ACSL5: variants seen among roughly 807,000 people sequenced by gnomAD.
ACSL5 encodes the protein long-chain-fatty-acid--CoA ligase 5.
In ACSL5, 50 loss-of-function variants were observed where a neutral mutation model predicts 84.9. The ratio of observed to expected loss-of-function variants is 0.59; its 90% CI spans 0.47 to 0.75. ACSL5 has a LOEUF of 0.75. Among genes scored for constraint, ACSL5 ranks in the 30% least tolerant of loss-of-function variants. The pLI, the probability that ACSL5 is intolerant of heterozygous loss-of-function variation, is 0.00. For synonymous variants in ACSL5, 280 were observed against 300.7 expected, an observed-to-expected ratio of 0.93 and a Z score of 0.71; for missense variants, 775 against 830.4, an observed-to-expected ratio of 0.93 and a Z score of 0.82.
At position 112,398,968 on chromosome 10, in the gene ACSL5, A is replaced by AGACTAT. The variant is rs774847323; in HGVS notation, c.226_231dup (p.Thr76_Met77dup). On this transcript the variant is annotated inframe_insertion, in exon 3 of 21. Transcript: ENST00000354655. Reference sequence around the variant, plus strand: ...ACAAGTTGCTGCTTCTCAGATGCCAAGACTATGTATGAGGTTTTCCAAAGA... The same window carrying AGACTAT: ...ACAAGTTGCTGCTTCTCAGATGCCAAGACTATGACTATGTATGAGGTTTTCCAAAGA... 3.7e-5 allele frequency: 60 copies of AGACTAT among 1,613,982 alleles called. No homozygotes were observed. Among genetic ancestry groups the AGACTAT allele is most frequent in the Non-Finnish European group, 4.9e-5 (58 of 1,179,996 alleles).
At chr10:112,375,766 C>T (rs529231336) in intron 1 of ACSL5, among the ~76,000 whole-genome samples, 8 of 152,172 alleles carry the variant, frequency 5.3e-5, no homozygotes, top group Non-Finnish European at 8.8e-5. Flanking sequence ...GCCAATTGAA[C>T]GACTCACAGC....
intron 5 of ACSL5, chr10:112,406,734 G>T (rs546045767): frequency 6.6e-6 from 1 of 152,248 alleles, no homozygotes. Context: ...TGCTGGGGAG[G>T]CCTCAAGAAA....
chr10:112,425,225 G>C, intron 17 of ACSL5, 113 bp from the exon 18 acceptor site: 1 of 971,234 alleles, frequency 1.0e-6, no homozygotes, highest in African/African-American at 1.7e-5. Context: ...CAGCTCAAAA[G>C]TCTCTGGAGA....
intron 1 of ACSL5, among the ~76,000 whole-genome samples, chr10:112,388,681 A>G (rs2133579260): frequency 6.6e-6 from 1 of 152,382 alleles, no homozygotes; most frequent in South Asian, 2.1e-4. Flanking sequence ...CTCAGTTGGC[A>G]CAATGAGTGA....
At position 112,426,855 on chromosome 10, in the gene ACSL5, A is replaced by G. The variant is rs1253303801; in HGVS notation, c.1907A>G (p.Glu636Gly). Residue 636 changes from glutamate (E) to glycine (G), a missense_variant, in exon 20 of 21, where the codon GAA (glutamate) becomes GGA (glycine). Transcript: ENST00000354655. ...AAAGAAAGTGGCCTTAAAACTTTTG[A>G]ACAGGTGTGTGCTACCACTGATGTT... Reference protein sequence around the residue: ...IGKESGLKTFEQVKAIFLHPE... With the variant: ...IGKESGLKTFGQVKAIFLHPE... 1 of 1,611,760 alleles carries G rather than the reference A, an allele frequency of 6.2e-7. No homozygotes were observed.
At chr10:112,374,877 C>T (rs1849208397) in intron 1 of ACSL5, among the ~76,000 whole-genome samples, 1 of 152,098 alleles carries the variant, frequency 6.6e-6, no homozygotes, top group African/African-American at 2.4e-5. Context: ...TGGTCAGTTT[C>T]CACAGCCTGC....
At chr10:112,417,419 C>T (rs991198511) in intron 13 of ACSL5, among the ~76,000 whole-genome samples, 1 of 151,592 alleles carries the variant, frequency 6.6e-6, no homozygotes, top group Non-Finnish European at 1.5e-5. Flanking sequence ...AGGATAATCG[C>T]TTGAACCCAG....
chr10:112,421,524 T>C, intron 14 of ACSL5, 69 bp from the exon 15 acceptor site: 1 of 1,414,028 alleles, frequency 7.1e-7, no homozygotes, highest in South Asian at 1.2e-5. Flanking sequence ...CCTCGTGTCT[T>C]GACCATAGCA....
At chr10:112,383,382 A>C (rs2133567518) in intron 1 of ACSL5, among the ~76,000 whole-genome samples, 1 of 152,360 alleles carries the variant, frequency 6.6e-6, no homozygotes, top group South Asian at 2.1e-4. Flanking sequence ...CAATGGCTTG[A>C]GCAACTGGTG....
chr10:112,393,076 C>G (rs1843677329), intron 1 of ACSL5, among the ~76,000 whole-genome samples: 1 of 152,138 alleles, frequency 6.6e-6, no homozygotes. Flanking sequence ...TGAGGCAGTC[C>G]TCCCTTCTCT....
At chr10:112,420,711 CTTTTTTTTCTT>C (rs893139031) in intron 14 of ACSL5, among the ~76,000 whole-genome samples, 6 of 151,666 alleles carry the variant, frequency 4.0e-5, no homozygotes, top group African/African-American at 1.5e-4. Context: ...ATTTTCTTTT[CTTTTTTTTCTT>C]TTTTTTTTCT....
Position 112,426,248 on chromosome 10 carries a change from C to T in ACSL5, c.1738-10C>T, listed in dbSNP as rs771788750. ...CTCATGCCCTTGCACCTTTTATTTC[C>T]TTTCCATAGTCATCCTTAGTAGGAG... On this transcript the variant is annotated splice_polypyrimidine_tract_variant and intron_variant, in intron 18 of 20. Coordinates refer to ENST00000354655, the MANE Select transcript of ACSL5 (RefSeq NM_203379.2). 3 of 1,611,368 alleles carry T rather than the reference C, an allele frequency of 1.9e-6. No individual in the cohort carries two copies. The highest frequency in any genetic ancestry group is 2.5e-6 in the Non-Finnish European group (3 of 1,177,580).
chr10:112,397,874 CTAGAACACATAGTATGCATTCAG>C (rs1320952292), intron 2 of ACSL5, among the ~76,000 whole-genome samples: 6 of 152,188 alleles, frequency 3.9e-5, no homozygotes, highest in Middle Eastern at 6.8e-3. Flanking sequence ...TACAGAGTAC[CTAGAACACATAGTATGCATTCAG>C]TAGAAGTTTA....
intron 9 of ACSL5, 137 bp downstream of exon 9, chr10:112,410,772 T>A: frequency 1.2e-6 from 1 of 819,184 alleles, no homozygotes; most frequent in Non-Finnish European, 1.9e-6. Context: ...GGCTTCTAAG[T>A]GTGAATTCCC....
At chr10:112,409,215 A>G in intron 6 of ACSL5, 1 of 326,010 alleles carries the variant, frequency 3.1e-6, no homozygotes, top group East Asian at 5.5e-5. Context: ...ACCACACCTC[A>G]GTAACCTGTT....
chr10:112,412,206 G>C, intron 11 of ACSL5: 1 of 508,884 alleles, frequency 2.0e-6, no homozygotes, highest in South Asian at 3.2e-5. Flanking sequence ...ACTTGCTCCT[G>C]CCTTCATGGG....
rs183026211 is a variant in ACSL5 at position 112,388,230 on chromosome 10, G to A, written c.-29-6688G>A. On this transcript the variant is annotated intron_variant, in intron 1 of 20. Transcript: ENST00000354655. ...GCTGGGATTACAGGCGTGAGTCACC[G>A]CTCCTAGTCCAGTATGATTTATTTC... 3.8e-3 allele frequency among the ~76,000 whole-genome samples: 586 copies of A among 152,212 alleles called. 7 individuals are homozygous for A. The highest frequency in any genetic ancestry group is 0.013 in the African/African-American group (541 of 41,528).
chr10:112,394,923 A>G lies in ACSL5; in HGVS notation c.-24A>G. The G allele has an allele frequency of 6.2e-7, 1 of 1,612,160 alleles. No individual in the cohort carries two copies. Among genetic ancestry groups the G allele is most frequent in the South Asian group, 1.1e-5 (1 of 90,976 alleles). ...TCCCCTGTTTTTTTTTTAAGGTCTG[A>G]ATTTCCTGCTGCTGTTCACAAAGAT... On this transcript the variant is annotated 5_prime_UTR_variant, in exon 2 of 21. Transcript: ENST00000354655.
chr10:112,422,438 C>A lies in ACSL5; in HGVS notation c.1590C>A (p.Leu530=). The change falls in exon 17 of 21, where the codon CTC becomes CTA. Residue 530 remains leucine, a synonymous_variant. Coordinates refer to ENST00000354655, the MANE Select transcript of ACSL5 (RefSeq NM_203379.2). ...ACACAGGAGACATTGGTCGCTGGCT[C>A]CCGGTAGGTATATCATCAGAACTCC... ...WLHTGDIGRW[L]PNGTLKIIDR... The A allele has an allele frequency of 1.2e-5, 20 of 1,613,672 alleles. No individual in the cohort carries two copies. Among genetic ancestry groups the A allele is most frequent in the Non-Finnish European group, 1.6e-5 (19 of 1,179,672 alleles).
Sources: gnomAD v4.1 joint callset for allele counts (sites outside exome capture counted in the v4.1 genomes callset) on GRCh38, gnomAD v4.1.1 for gene constraint, MANE v1.5 for transcripts, NCBI Gene and HGNC (gene_info 2026-07-23, HGNC 2026-07-21) for gene names.